The following NBPF3 variants were observed in gnomAD, a reference collection of about 807,000 sequenced individuals.
The protein encoded by NBPF3 is NBPF family member NBPF3.
In NBPF3, 57 loss-of-function variants were observed where a neutral mutation model predicts 78.1. The observed-to-expected ratio is 0.73, with a 90% confidence interval of 0.59 to 0.91. The LOEUF (loss-of-function observed/expected upper bound fraction) is 0.91, where lower values mean the gene tolerates loss of function less well. Ranked by LOEUF, NBPF3 falls within the 40% of genes least tolerant of loss-of-function variation. NBPF3 has a pLI of 0.00. For synonymous variants in NBPF3, 182 were observed against 271.7 expected (o/e 0.67, Z 3.25); for missense variants, 510 against 715.3 (o/e 0.71, Z 3.27).
chr1:21,443,412 T>C (rs897213573), intron 1 of NBPF3, among the ~76,000 whole-genome samples: 9 of 152,092 alleles, frequency 5.9e-5, no homozygotes, highest in African/African-American at 2.2e-4. Flanking sequence ...TTTTGACTCT[T>C]TTATTTATTT....
chr1:21,449,970 A>G (rs6426690), intron 2 of NBPF3: 204,501 of 204,828 alleles, frequency 1, 102,090 homozygotes, highest in East Asian at 1. Flanking sequence ...CTCTGAGAGG[A>G]ATTAGCATCC....
chr1:21,479,826 G>GTGTGTGTGTGTGTGTGTA (rs1643100659), intron 10 of NBPF3, among the ~76,000 whole-genome samples: 1 of 131,254 alleles, frequency 7.6e-6, no homozygotes, highest in Non-Finnish European at 1.7e-5. Flanking sequence ...CTCTCTGTGT[G>GTGTGTGTGTGTGTGTGTA]TGTGTGTGTG....
At chr1:21,467,205 T>G (rs1214498505) in intron 2 of NBPF3, 2 of 985,314 alleles carry the variant, frequency 2.0e-6, no homozygotes, top group African/African-American at 1.7e-5. Context: ...CAGCGTGGAG[T>G]GCAGAGAGAC....
intron 2 of NBPF3, chr1:21,453,748 G>C (rs1358115584): frequency 5.9e-5 from 9 of 152,202 alleles, no homozygotes; most frequent in South Asian, 4.1e-4. Flanking sequence ...TGAGGACAGA[G>C]ACCTGATGGA....
intron 2 of NBPF3, chr1:21,449,876 A>G: frequency 1.5e-6 from 1 of 668,256 alleles, no homozygotes; most frequent in Non-Finnish European, 1.9e-6. Context: ...GGGCTCTGAA[A>G]CAGCCACATA....
intron 2 of NBPF3, among the ~76,000 whole-genome samples, chr1:21,449,502 T>G (rs934698278): frequency 6.6e-6 from 1 of 150,684 alleles, no homozygotes; most frequent in Non-Finnish European, 1.5e-5. Context: ...ATGGAGATTT[T>G]GCTCTGTTCC....
intron 7 of NBPF3, 92 bp from the exon 8 acceptor site, chr1:21,474,808 G>C: frequency 8.4e-7 from 1 of 1,193,518 alleles, no homozygotes; most frequent in Non-Finnish European, 1.2e-6. Flanking sequence ...ACTGAGAATA[G>C]TTATGTCCTT....
Position 21,481,778 on chromosome 1 carries a change from C to G in NBPF3, c.1606+9C>G. The G allele has an allele frequency of 1.3e-6, 1 of 782,974 alleles. No individual in the cohort carries two copies. The highest frequency in any genetic ancestry group is 1.8e-5 in the African/African-American group (1 of 54,452). 48.5% of individuals were successfully genotyped at this position (782,974 alleles called of 1,614,324 possible). On this transcript the variant is annotated intron_variant, in intron 13 of 14. Coordinates refer to ENST00000318249, the MANE Select transcript of NBPF3 (RefSeq NM_032264.6). Reference sequence around the variant, plus strand: ...TTCTCTTGACGTGGATGGTGAGTACCTTTCTATGAGGGTGATAAGGATCCA... The same window carrying G: ...TTCTCTTGACGTGGATGGTGAGTACGTTTCTATGAGGGTGATAAGGATCCA...
chr1:21,455,798 A>G (rs982321426), intron 2 of NBPF3, among the ~76,000 whole-genome samples: 4 of 152,228 alleles, frequency 2.6e-5, no homozygotes, highest in African/African-American at 9.6e-5. Flanking sequence ...GTACCTGCAC[A>G]AGGAAAAGAC....
At position 21,466,234 on chromosome 1, in the gene NBPF3, A is replaced by G; in HGVS notation, c.134-2454A>G. The stretch of plus-strand genomic sequence containing the variant: ...CAAGAGACAGACAAAGATAAAATCA[A>G]AAGTTTGTGCTTCATCTTCAAAAAT... On this transcript the variant is annotated intron_variant, in intron 2 of 14. Coordinates refer to ENST00000318249, the MANE Select transcript of NBPF3 (RefSeq NM_032264.6). The G allele has an allele frequency of 4.9e-6, 2 of 405,076 alleles. 1 individual carries two copies. Among genetic ancestry groups the G allele is most frequent in the Non-Finnish European group, 6.7e-6 (2 of 300,036 alleles). 25.1% of individuals were successfully genotyped at this position (405,076 alleles called of 1,614,324 possible). A position where few individuals can be genotyped will look rare whatever the true frequency, so the allele number is the denominator to read the frequency against.
rs146754754 is a variant in NBPF3, at chr1:21,480,912, T to A, written c.1382-18T>A. 38,868 of 1,524,696 alleles carry A rather than the reference T, an allele frequency of 0.025. No homozygotes were observed. Among genetic ancestry groups the A allele is most frequent in the South Asian group, 0.051 (4,504 of 88,004 alleles). The allele number at this position is 1,524,696 out of a possible 1,614,324, so 94.4% of individuals were successfully genotyped here. On this transcript the variant is annotated intron_variant, in intron 11 of 14. Coordinates refer to ENST00000318249, the MANE Select transcript of NBPF3 (RefSeq NM_032264.6). ...TGAATTGGCTTATCTTGTCTGTCCC[T>A]GTCTGAATTTATTGCAGGAATGAAA...
chr1:21,469,540 C>T (rs1427470415), intron 3 of NBPF3, among the ~76,000 whole-genome samples: 3 of 152,048 alleles, frequency 2.0e-5, no homozygotes, highest in Admixed American at 6.5e-5. Flanking sequence ...GCCTGGGCAA[C>T]GTGGAGAAAC....
In NBPF3 at chr1:21,471,208, C is replaced by T. The variant is rs193261888; in HGVS notation, c.447-361C>T. On this transcript the variant is annotated intron_variant, in intron 4 of 14. Transcript: ENST00000318249. ...CTCATTTCTGTCCATGGCTTTGTATCTAGTCGCTGCAAGATGCACTATGTG... is the reference window on the plus strand; with the variant it reads ...CTCATTTCTGTCCATGGCTTTGTATTTAGTCGCTGCAAGATGCACTATGTG... Among the ~76,000 whole-genome samples, 31 of 152,288 alleles carry T rather than the reference C, an allele frequency of 2.0e-4. No homozygotes were observed. The East Asian group carries it at 4.3e-3, about 21-fold the overall frequency.
chr1:21,443,491 A>G (rs1374648228), intron 1 of NBPF3, among the ~76,000 whole-genome samples: 1 of 152,236 alleles, frequency 6.6e-6, no homozygotes, highest in East Asian at 1.9e-4. Flanking sequence ...GTTCTTAGGT[A>G]TACTTAATTA....
chr1:21,467,568 C>T (rs17420195), intron 2 of NBPF3, among the ~76,000 whole-genome samples: 22,548 of 152,208 alleles, frequency 0.15, 2,302 homozygotes, highest in Non-Finnish European at 0.22. Flanking sequence ...GTTAGTCCAA[C>T]CCAACGAAAT....
intron 7 of NBPF3, among the ~76,000 whole-genome samples, chr1:21,474,119 G>T (rs1414287542): frequency 6.6e-6 from 1 of 151,968 alleles, no homozygotes; most frequent in Non-Finnish European, 1.5e-5. Flanking sequence ...CTGGACCCTG[G>T]TTCTCCACCC....
At chr1:21,455,471 C>T (rs1641548325) in intron 2 of NBPF3, among the ~76,000 whole-genome samples, 2 of 152,216 alleles carry the variant, frequency 1.3e-5, no homozygotes, top group Admixed American at 6.5e-5. Flanking sequence ...TAAATCATAT[C>T]AGACTAACCC....
intron 8 of NBPF3, among the ~76,000 whole-genome samples, chr1:21,477,137 C>G (rs1030965186): frequency 1.2e-4 from 18 of 152,160 alleles, no homozygotes; most frequent in African/African-American, 4.3e-4. Context: ...CAGGTCATTT[C>G]AGGTCTCCTC....
rs61740083 is a variant in NBPF3 at position 21,483,211 on chromosome 1, C to T, written c.1727C>T (p.Ser576Leu). Residue 576 changes from serine to leucine, a missense_variant, in exon 15 of 15, where the codon TCG (serine) becomes TTG (leucine). Ser to Leu is a moderately radical substitution (Grantham distance 145). This residue lies in a region of NBPF3 where 25 missense variants were observed against 27.3 expected (regional missense o/e 0.92). Transcript: ENST00000318249. ...VLQDSLDRCYSTTSTYFQLHA... is the reference protein window; with the variant it reads ...VLQDSLDRCYLTTSTYFQLHA... ...CAGGACTCACTGGATAGATGTTATT[C>T]GACTACTTCAACTTACTTTCAACTA... 169 of 1,581,886 alleles carry T rather than the reference C, an allele frequency of 1.1e-4. No individual in the cohort carries two copies. In the African/African-American group the frequency reaches 1.9e-3, roughly 18 times the overall value.
Sources: gnomAD v4.1 joint callset for allele counts (sites outside exome capture counted in the v4.1 genomes callset) on GRCh38, gnomAD v4.1.1 for gene constraint, gnomAD v4.1.1 regional missense constraint, MANE v1.5 for transcripts, NCBI Gene and HGNC (gene_info 2026-07-23, HGNC 2026-07-21) for gene names.